RGS21: variants seen among roughly 807,000 people sequenced by gnomAD.
RGS21 encodes the protein regulator of G-protein signalling 21.
In RGS21, 19 loss-of-function variants were observed where a neutral mutation model predicts 18.7. That is an observed-to-expected ratio of 1.01 (90% confidence interval 0.71 to 1.49). The LOEUF (loss-of-function observed/expected upper bound fraction) is 1.49. Among genes scored for constraint, RGS21 ranks in the 40% most tolerant of loss-of-function variants. RGS21 has a pLI of 0.00. For missense variants in RGS21, 194 were observed against 176.8 expected (o/e 1.10, Z -0.55); for synonymous variants, 56 against 57.8 (o/e 0.97, Z 0.14).
intron 1 of RGS21, among the ~76,000 whole-genome samples, chr1:192,338,246 T>C (rs1254502158): frequency 6.6e-6 from 1 of 152,168 alleles, no homozygotes; most frequent in Non-Finnish European, 1.5e-5. Flanking sequence ...CATTGCTTTA[T>C]AAATTGAACC....
At chr1:192,338,078 T>A (rs1658799396) in intron 1 of RGS21, among the ~76,000 whole-genome samples, 1 of 152,098 alleles carries the variant, frequency 6.6e-6, no homozygotes, top group South Asian at 2.1e-4. Context: ...TCAACAAGCA[T>A]ACTAAGAACT....
At chr1:192,318,842 C>G (rs1658454906) in intron 1 of RGS21, among the ~76,000 whole-genome samples, 1 of 151,922 alleles carries the variant, frequency 6.6e-6, no homozygotes, top group African/African-American at 2.4e-5. Flanking sequence ...GTAATTTTTA[C>G]TTAGATATAA....
intron 1 of RGS21, among the ~76,000 whole-genome samples, chr1:192,319,920 G>A (rs1658472269): frequency 6.6e-6 from 1 of 152,082 alleles, no homozygotes; most frequent in Non-Finnish European, 1.5e-5. Context: ...ACAAAGGGGA[G>A]CTGAAGAAGG....
intron 1 of RGS21, among the ~76,000 whole-genome samples, chr1:192,322,643 A>G (rs1658512490): frequency 6.6e-6 from 1 of 152,008 alleles, no homozygotes; most frequent in Non-Finnish European, 1.5e-5. Flanking sequence ...CTAACGCCAG[A>G]CACTTCCAGC....
intron 1 of RGS21, among the ~76,000 whole-genome samples, chr1:192,341,971 T>G (rs1658877887): frequency 6.6e-6 from 1 of 152,096 alleles, no homozygotes; most frequent in Non-Finnish European, 1.5e-5. Context: ...GGGATCGTGC[T>G]GATTGATGAT....
At chr1:192,342,911 T>G in intron 1 of RGS21, 66 bp from the exon 2 acceptor site, 1 of 898,500 alleles carries the variant, frequency 1.1e-6, no homozygotes, top group Non-Finnish European at 1.8e-6. Flanking sequence ...AGAATGCCAA[T>G]TTGTAACCCA....
intron 2 of RGS21, among the ~76,000 whole-genome samples, chr1:192,345,816 C>T (rs146704359): frequency 3.3e-5 from 5 of 151,996 alleles, no homozygotes; most frequent in African/African-American, 9.6e-5. Flanking sequence ...TTTAAATGAT[C>T]GTATAACTTT....
chr1:192,333,628 CAAAAAAAAAAAAAAAA>C (rs376989840), intron 1 of RGS21, among the ~76,000 whole-genome samples: 1 of 102,410 alleles, frequency 9.8e-6, no homozygotes, highest in Admixed American at 1.2e-4. Context: ...CTCAAAATGA[CAAAAAAAAAAAAAAAA>C]AAAAAAAAAA....
At chr1:192,326,633 C>G (rs1021125214) in intron 1 of RGS21, among the ~76,000 whole-genome samples, 1 of 152,062 alleles carries the variant, frequency 6.6e-6, no homozygotes, top group African/African-American at 2.4e-5. Context: ...ACAATTTTCT[C>G]AGTTTTAGAA....
At chr1:192,338,073 A>G (rs757209417) in intron 1 of RGS21, among the ~76,000 whole-genome samples, 3 of 152,168 alleles carry the variant, frequency 2.0e-5, no homozygotes, top group Non-Finnish European at 4.4e-5. Context: ...ATTTGTCAAC[A>G]AGCATACTAA....
chr1:192,345,287 A>G (rs1658929947), intron 2 of RGS21, among the ~76,000 whole-genome samples: 1 of 152,120 alleles, frequency 6.6e-6, no homozygotes, highest in African/African-American at 2.4e-5. Flanking sequence ...AATGAGGTCC[A>G]TGATGATTCA....
intron 1 of RGS21, among the ~76,000 whole-genome samples, chr1:192,340,735 G>T (rs890294262): frequency 6.6e-6 from 1 of 152,018 alleles, no homozygotes; most frequent in African/African-American, 2.4e-5. Flanking sequence ...CGTGGCTGGG[G>T]AGGCCTCACA....
intron 3 of RGS21, among the ~76,000 whole-genome samples, chr1:192,347,831 T>C (rs1249481637): frequency 1.3e-5 from 2 of 151,758 alleles, no homozygotes; most frequent in Non-Finnish European, 2.9e-5. Flanking sequence ...GGCTAATTTT[T>C]GTATTTTTAG....
intron 4 of RGS21, among the ~76,000 whole-genome samples, chr1:192,360,367 T>C (rs1659170814): frequency 6.6e-6 from 1 of 152,158 alleles, no homozygotes; most frequent in African/African-American, 2.4e-5. Flanking sequence ...ATTTCTAATA[T>C]CCAGCTATTC....
intron 1 of RGS21, among the ~76,000 whole-genome samples, chr1:192,320,526 A>ATGTATG (rs57903620): frequency 0.3 from 43,944 of 147,384 alleles, 7,088 homozygotes; most frequent in African/African-American, 0.41. Flanking sequence ...GTATGTGTAT[A>ATGTATG]TGTATGTGTA....
At chr1:192,344,487 C>A (rs1331988519) in intron 2 of RGS21, among the ~76,000 whole-genome samples, 1 of 152,054 alleles carries the variant, frequency 6.6e-6, no homozygotes, top group African/African-American at 2.4e-5. Flanking sequence ...TAAATGAAGT[C>A]TATGATATGC....
intron 1 of RGS21, among the ~76,000 whole-genome samples, chr1:192,332,268 C>T (rs976935954): frequency 6.6e-6 from 1 of 151,754 alleles, no homozygotes; most frequent in African/African-American, 2.4e-5. Flanking sequence ...AATAAAAATG[C>T]AAAGAAATGA....
At chr1:192,337,556 CAG>C (rs1038904911) in intron 1 of RGS21, among the ~76,000 whole-genome samples, 1 of 151,964 alleles carries the variant, frequency 6.6e-6, no homozygotes, top group African/African-American at 2.4e-5. Context: ...TCAGCAAAGA[CAG>C]GAAAGGTTAG....
chr1:192,342,175 A>G (rs923130526), intron 1 of RGS21, among the ~76,000 whole-genome samples: 1 of 152,062 alleles, frequency 6.6e-6, no homozygotes, highest in African/African-American at 2.4e-5. Context: ...TCAATCTTTC[A>G]AGAGTTTTTA....
Sources: gnomAD v4.1 joint callset for allele counts (sites outside exome capture counted in the v4.1 genomes callset) on GRCh38, gnomAD v4.1.1 for gene constraint, MANE v1.5 for transcripts, NCBI Gene and HGNC (gene_info 2026-07-23, HGNC 2026-07-21) for gene names.